The following PPIP5K2 variants were observed in gnomAD, a reference collection of about 807,000 sequenced individuals.
PPIP5K2 encodes inositol hexakisphosphate and diphosphoinositol-pentakisphosphate kinase 2.
In PPIP5K2, 105 loss-of-function variants were observed where a neutral mutation model predicts 154.6. The ratio of observed to expected loss-of-function variants is 0.68; its 90% CI spans 0.58 to 0.80. The LOEUF is 0.80. Among genes scored for constraint, PPIP5K2 ranks in the 30% least tolerant of loss-of-function variants. PPIP5K2 has a pLI of 0.00. For synonymous variants in PPIP5K2, 480 were observed against 490.3 expected, an observed-to-expected ratio of 0.98 and a Z score of 0.28; for missense variants, 992 against 1,504.6, an observed-to-expected ratio of 0.66 and a Z score of 5.64.
In PPIP5K2 at chr5:103,143,359, T is replaced by G. The variant is rs147408538; in HGVS notation, c.488-3168T>G. Among the ~76,000 whole-genome samples the G allele has an allele frequency of 8.7e-4, 133 of 152,264 alleles. 1 individual carries two copies. The highest frequency in any genetic ancestry group is 3.1e-3 in the African/African-American group (130 of 41,546). On this transcript the variant is annotated intron_variant, in intron 5 of 30. Coordinates refer to ENST00000358359, the MANE Select transcript of PPIP5K2 (RefSeq NM_001276277.3). ...GCACAAGCCACCAGACCCAAGTAAT[T>G]ATTTTTTGTAGAGACAGGATCTCAC...
chr5:103,137,204 C>T (rs1263819063), intron 4 of PPIP5K2, among the ~76,000 whole-genome samples: 2 of 149,680 alleles, frequency 1.3e-5, no homozygotes, highest in African/African-American at 5.0e-5. Flanking sequence ...GCTCTGTCGC[C>T]CAGTCTGGAG....
intron 6 of PPIP5K2, 145 bp downstream of exon 6, chr5:103,146,826 T>G (rs1793831328): frequency 1.5e-6 from 1 of 676,132 alleles, no homozygotes; most frequent in East Asian, 3.3e-5. Flanking sequence ...CTGATATACT[T>G]TGTTAGAAAA....
chr5:103,161,041 G>A (rs1796139890), intron 17 of PPIP5K2, among the ~76,000 whole-genome samples: 1 of 150,088 alleles, frequency 6.7e-6, no homozygotes, highest in Non-Finnish European at 1.5e-5. Flanking sequence ...CATGTGCCAT[G>A]TTGGTGTGCT....
intron 17 of PPIP5K2, among the ~76,000 whole-genome samples, chr5:103,161,656 C>G (rs1410142251): frequency 3.3e-5 from 5 of 152,294 alleles, no homozygotes; most frequent in Middle Eastern, 3.4e-3. Context: ...GCCATTCTAA[C>G]TGGTGTGAGA....
chr5:103,141,224 T>C (rs1792575783), intron 5 of PPIP5K2, among the ~76,000 whole-genome samples: 1 of 152,152 alleles, frequency 6.6e-6, no homozygotes, highest in African/African-American at 2.4e-5. Context: ...CCGCAGACCC[T>C]CGCGGTGAGT....
intron 18 of PPIP5K2, 71 bp from the exon 19 acceptor site, chr5:103,168,001 A>G: frequency 1.0e-6 from 1 of 986,036 alleles, no homozygotes; most frequent in East Asian, 2.7e-5. Flanking sequence ...GTTTCTAATT[A>G]TTAACATATT....
rs116505430 is a variant in PPIP5K2, at chr5:103,158,743, G to A, written c.1737+170G>A. Among the ~76,000 whole-genome samples the A allele has an allele frequency of 1.5e-4, 23 of 151,926 alleles. No homozygotes were observed. The East Asian group carries it at 1.7e-3, about 12-fold the overall frequency. Reference sequence around the variant, plus strand: ...TTGAGACAAGCCTGGGCAACATGACGAAACCTGTCTCTGCAAAAAAATTAA... The same window carrying A: ...TTGAGACAAGCCTGGGCAACATGACAAAACCTGTCTCTGCAAAAAAATTAA... On this transcript the variant is annotated intron_variant, in intron 16 of 30. Coordinates refer to ENST00000358359, the MANE Select transcript of PPIP5K2 (RefSeq NM_001276277.3).
rs931957774 is a variant in PPIP5K2 at position 103,154,515 on chromosome 5, G to A, written c.1218-155G>A. Among the ~76,000 whole-genome samples the A allele has an allele frequency of 4.6e-5, 7 of 152,026 alleles. No homozygotes were observed. The East Asian group carries it at 5.8e-4, about 13-fold the overall frequency. ...AAGTTTTATCAATCAAAGTTGAGCA[G>A]CAACATGTACAGTGAAAGAGGAAAC... On this transcript the variant is annotated intron_variant, in intron 11 of 30. Transcript: ENST00000358359.
chr5:103,146,389 G>C (rs1554209183), intron 5 of PPIP5K2, 138 bp from the exon 6 acceptor site: 1 of 839,994 alleles, frequency 1.2e-6, no homozygotes, highest in Non-Finnish European at 1.7e-6. Flanking sequence ...CATAAACATG[G>C]ATAATTAAAA....
chr5:103,137,643 C>A (rs1170945941), intron 4 of PPIP5K2, among the ~76,000 whole-genome samples: 3 of 152,098 alleles, frequency 2.0e-5, no homozygotes, highest in African/African-American at 7.2e-5. Context: ...ATCTCACCAG[C>A]ATTCTATTTT....
At chr5:103,148,199 T>A (rs1259130770) in intron 7 of PPIP5K2, 167 bp downstream of exon 7, 1 of 676,348 alleles carries the variant, frequency 1.5e-6, no homozygotes, top group Non-Finnish European at 2.7e-6. Flanking sequence ...GTCTGAAGCC[T>A]ATGGACTCTT....
intron 30 of PPIP5K2, among the ~76,000 whole-genome samples, chr5:103,200,413 C>T (rs1802791351): frequency 6.6e-6 from 1 of 151,070 alleles, no homozygotes; most frequent in Non-Finnish European, 1.5e-5. Flanking sequence ...ATATTATTCC[C>T]TTTTTCCAAG....
Position 103,146,503 on chromosome 5 carries a change from C to T in PPIP5K2, c.488-24C>T, listed in dbSNP as rs1562404871. On this transcript the variant is annotated intron_variant, in intron 5 of 30. Coordinates refer to ENST00000358359, the MANE Select transcript of PPIP5K2 (RefSeq NM_001276277.3). Reference sequence around the variant, plus strand: ...AATATAATAAGAATATGTGATATTTCTTGCAATCGTGTTTGTTTTATAGAA... The same window carrying T: ...AATATAATAAGAATATGTGATATTTTTTGCAATCGTGTTTGTTTTATAGAA... 3 of 1,599,650 alleles carry T rather than the reference C, an allele frequency of 1.9e-6. No homozygotes were observed. The South Asian group carries it at 3.4e-5, about 18-fold the overall frequency.
intron 25 of PPIP5K2, 91 bp from the exon 26 acceptor site, chr5:103,184,581 C>T (rs1048076716): frequency 3.3e-6 from 3 of 909,816 alleles, no homozygotes; most frequent in African/African-American, 1.7e-5. Flanking sequence ...GCTTATTAAC[C>T]TTTGTCTGTC....
intron 7 of PPIP5K2, 72 bp downstream of exon 7, chr5:103,148,104 C>T: frequency 9.4e-7 from 1 of 1,061,632 alleles, no homozygotes. Context: ...AGTAGTTAAT[C>T]TTTAGCTATA....
intron 2 of PPIP5K2, among the ~76,000 whole-genome samples, chr5:103,130,320 A>G (rs188003237): frequency 7.6e-4 from 116 of 152,266 alleles, no homozygotes; most frequent in African/African-American, 2.7e-3. Context: ...GTTACATTAG[A>G]CCAATATTTT....
intron 24 of PPIP5K2, 41 bp from the exon 25 acceptor site, chr5:103,183,193 T>TGCCCCC: frequency 1.2e-6 from 1 of 835,284 alleles, no homozygotes. Context: ...TTTTTTTTTT[T>TGCCCCC]TTTTTTTTTT....
intron 24 of PPIP5K2, among the ~76,000 whole-genome samples, chr5:103,182,661 G>A (rs1194487569): frequency 1.3e-5 from 2 of 152,138 alleles, no homozygotes. Flanking sequence ...GGGGCAAATA[G>A]ATAGCTTGAA....
At chr5:103,165,984 A>G (rs1580294236) in intron 17 of PPIP5K2, among the ~76,000 whole-genome samples, 1 of 152,072 alleles carries the variant, frequency 6.6e-6, no homozygotes, top group African/African-American at 2.4e-5. Context: ...AGAGCTTTCA[A>G]TGGAAATTTT....
Sources: allele counts gnomAD v4.1 joint callset (sites outside exome capture counted in the v4.1 genomes callset), GRCh38; gene constraint gnomAD v4.1.1; transcripts MANE v1.5; gene names NCBI Gene and HGNC (gene_info 2026-07-23, HGNC 2026-07-21).